Variants in MGARP observed in about 807,000 individuals in gnomAD.
The protein encoded by MGARP is protein MGARP.
Under a neutral mutation model 11.0 loss-of-function variants are expected in MGARP, and 12 were observed. The ratio of observed to expected loss-of-function variants is 1.09; its 90% CI spans 0.70 to 1.77. MGARP has a LOEUF of 1.77. MGARP is among the 40% of genes most tolerant of loss of function. MGARP has a pLI of 0.00. For synonymous variants in MGARP, 110 were observed against 115.4 expected (o/e 0.95, Z 0.30); for missense variants, 283 against 297.8 (o/e 0.95, Z 0.36).
chr4:139,273,423 G>A (rs2110732066), intron 2 of MGARP, among the ~76,000 whole-genome samples: 1 of 151,244 alleles, frequency 6.6e-6, no homozygotes, highest in Non-Finnish European at 1.5e-5. Context: ...AGGTCTCACT[G>A]TGTTCCCCAG....
Position 139,274,187 on chromosome 4 carries a change from A to G in MGARP, c.186+1102T>C, listed in dbSNP as rs537181377. On this transcript the variant is annotated intron_variant, in intron 2 of 3. Coordinates refer to ENST00000398955, the MANE Select transcript of MGARP (RefSeq NM_032623.4). ...GAGGGATTTTTAGGGTGATGAAACG[A>G]CTCTGTATGATACTATAATTTATTC... is the stretch of plus-strand genomic sequence containing the variant. 1.2e-3 allele frequency among the ~76,000 whole-genome samples: 189 copies of G among 152,220 alleles called. 2 individuals are homozygous for G. The highest frequency in any genetic ancestry group is 4.4e-3 in the African/African-American group (183 of 41,540).
chr4:139,277,847 T>C (rs1744895256), intron 1 of MGARP, among the ~76,000 whole-genome samples: 1 of 152,208 alleles, frequency 6.6e-6, no homozygotes, highest in African/African-American at 2.4e-5. Flanking sequence ...CACTGAGTGG[T>C]AGGATTACAG....
intron 2 of MGARP, among the ~76,000 whole-genome samples, chr4:139,272,564 A>C (rs1486476283): frequency 3.8e-5 from 3 of 78,094 alleles, no homozygotes; most frequent in African/African-American, 2.2e-4. Flanking sequence ...CCCCTCCCAA[A>C]AAAAAAAAAA....
In MGARP at chr4:139,280,196, A is replaced by T; in HGVS notation, c.-38T>A. On this transcript the variant is annotated 5_prime_UTR_variant, in exon 1 of 4. Transcript: ENST00000398955. Reference sequence around the variant, plus strand: ...CCGCCGCGCAGCAGCCTCGGTACCCAGGCGCAGGCTGCCCTTCCACAGAGA... The same window carrying T: ...CCGCCGCGCAGCAGCCTCGGTACCCTGGCGCAGGCTGCCCTTCCACAGAGA... The T allele has an allele frequency of 1.9e-6, 3 of 1,579,322 alleles. No homozygotes were observed. Among genetic ancestry groups the T allele is most frequent in the East Asian group, 2.3e-5 (1 of 43,372 alleles).
chr4:139,279,331 C>T (rs571673133), intron 1 of MGARP, among the ~76,000 whole-genome samples: 2 of 152,322 alleles, frequency 1.3e-5, no homozygotes, highest in South Asian at 2.1e-4. Context: ...CTGCAACTCC[C>T]CCTTTAGTTA....
intron 1 of MGARP, among the ~76,000 whole-genome samples, chr4:139,279,741 G>A (rs572711971): frequency 2.6e-5 from 4 of 152,312 alleles, no homozygotes; most frequent in African/African-American, 9.6e-5. Flanking sequence ...ACGTTTTTAA[G>A]TGCTTTTAAC....
At chr4:139,271,523 C>T (rs979162642) in intron 2 of MGARP, among the ~76,000 whole-genome samples, 1 of 152,080 alleles carries the variant, frequency 6.6e-6, no homozygotes, top group Non-Finnish European at 1.5e-5. Context: ...ATACCCAGAC[C>T]CTCAAAAAAA....
At chr4:139,274,271 A>G (rs956990430) in intron 2 of MGARP, among the ~76,000 whole-genome samples, 25 of 152,112 alleles carry the variant, frequency 1.6e-4, no homozygotes, top group African/African-American at 6.0e-4. Context: ...AGTGGATCCT[A>G]ATGTAAACCC....
intron 1 of MGARP, among the ~76,000 whole-genome samples, chr4:139,278,022 G>A (rs898535348): frequency 1.3e-5 from 2 of 152,126 alleles, no homozygotes; most frequent in African/African-American, 4.8e-5. Context: ...TAGGTTGGGA[G>A]TTCAAGACCA....
At chr4:139,268,100 G>A (rs981179053) in intron 3 of MGARP, among the ~76,000 whole-genome samples, 5 of 149,540 alleles carry the variant, frequency 3.3e-5, no homozygotes, top group Admixed American at 6.7e-5. Context: ...CTGGTTGACA[G>A]AGGGAGAGCC....
intron 2 of MGARP, among the ~76,000 whole-genome samples, chr4:139,270,994 T>C (rs1028281053): frequency 6.6e-6 from 1 of 152,118 alleles, no homozygotes; most frequent in Non-Finnish European, 1.5e-5. Context: ...AGACTAACTT[T>C]AGGGAGAATT....
intron 2 of MGARP, among the ~76,000 whole-genome samples, chr4:139,273,758 C>A (rs1273527201): frequency 1.3e-5 from 2 of 152,086 alleles, no homozygotes; most frequent in Admixed American, 1.3e-4. Flanking sequence ...AGGTGATCTG[C>A]CCACCTTGAC....
intron 2 of MGARP, among the ~76,000 whole-genome samples, chr4:139,270,608 GAAAAAAAAAA>G (rs751695236): frequency 1.1e-5 from 1 of 89,064 alleles, no homozygotes; most frequent in Admixed American, 1.4e-4. Flanking sequence ...GACCGCGTCT[GAAAAAAAAAA>G]AAAAAAAAAG....
Sources: gnomAD v4.1 joint callset for allele counts (sites outside exome capture counted in the v4.1 genomes callset) on GRCh38, gnomAD v4.1.1 for gene constraint, MANE v1.5 for transcripts, NCBI Gene and HGNC (gene_info 2026-07-23, HGNC 2026-07-21) for gene names.